Variants in DRAM1 observed in about 807,000 individuals in gnomAD.
DRAM1 encodes DNA damage-regulated autophagy modulator protein 1.
In DRAM1, 25 loss-of-function variants were observed where a neutral mutation model predicts 28.5. That is an observed-to-expected ratio of 0.88 (90% CI 0.64 to 1.23). The LOEUF is 1.23. Among genes scored for constraint, DRAM1 ranks in the 50% most tolerant of loss-of-function variants. DRAM1 has a pLI of 0.00. For missense variants in DRAM1, 249 were observed against 299.2 expected, an observed-to-expected ratio of 0.83 and a Z score of 1.24; for synonymous variants, 113 against 114.2, an observed-to-expected ratio of 0.99 and a Z score of 0.07.
Position 101,901,357 on chromosome 12 carries a change from C to T in DRAM1, c.266C>T (p.Thr89Ile). The change falls in exon 3 of 7, where the codon ACT (threonine) becomes ATT (isoleucine). Residue 89 changes from threonine to isoleucine, a missense_variant. Physicochemically the swap from Thr to Ile is moderately conservative, Grantham distance 89. Transcript: ENST00000258534. ...CAAAATCAAACCTGCTATTTCAGCA[C>T]TCCTGTTTTTAACTTGGTGTCTTTA... ...QKQNQTCYFS[T>I]PVFNLVSLVL... is the part of the protein sequence containing the mutation. 7 of 1,614,142 alleles carry T rather than the reference C, an allele frequency of 4.3e-6. No homozygotes were observed. The highest frequency in any genetic ancestry group is 4.2e-6 in the Non-Finnish European group (5 of 1,180,026).
At chr12:101,911,772 G>GATA (rs76863968) in intron 4 of DRAM1, among the ~76,000 whole-genome samples, 13,807 of 152,042 alleles carry the variant, frequency 0.091, 1,229 homozygotes, top group East Asian at 0.24. Context: ...ACATTGAAAT[G>GATA]ATATCATCAG....
In DRAM1 at chr12:101,912,328, T is replaced by G. The variant is rs77498813; in HGVS notation, c.521-1846T>G. Among the ~76,000 whole-genome samples, 1,459 of 152,352 alleles carry G rather than the reference T, an allele frequency of 9.6e-3. 23 individuals carry two copies. Among genetic ancestry groups the G allele is most frequent in the African/African-American group, 0.034 (1,403 of 41,580 alleles). Reference sequence around the variant, plus strand: ...TACATTAAGTTTCACTGAATGAAGCTTTCTCCCATTCCATTCTGAATTAAT... The same window carrying G: ...TACATTAAGTTTCACTGAATGAAGCGTTCTCCCATTCCATTCTGAATTAAT... On this transcript the variant is annotated intron_variant, in intron 4 of 6. Transcript: ENST00000258534.
chr12:101,913,705 CAAAAAAAAAAA>C (rs60536139), intron 4 of DRAM1, among the ~76,000 whole-genome samples: 5 of 50,188 alleles, frequency 1.0e-4, no homozygotes, highest in Non-Finnish European at 2.2e-4. Context: ...GAGTACGTCT[CAAAAAAAAAAA>C]AAAAAAAAAA....
intron 3 of DRAM1, among the ~76,000 whole-genome samples, chr12:101,902,455 C>T (rs1873641948): frequency 2.0e-5 from 3 of 152,094 alleles, no homozygotes; most frequent in Admixed American, 6.5e-5. Flanking sequence ...ACCAAGTACA[C>T]GATGCATAGT....
chr12:101,916,958 C>T (rs1298333343), intron 5 of DRAM1, among the ~76,000 whole-genome samples: 1 of 152,130 alleles, frequency 6.6e-6, no homozygotes. Flanking sequence ...AATGCAGAAG[C>T]AATAGCAATT....
chr12:101,895,470 A>G (rs994160507), intron 1 of DRAM1, among the ~76,000 whole-genome samples: 1 of 150,362 alleles, frequency 6.7e-6, no homozygotes, highest in Admixed American at 6.7e-5. Context: ...GAGCCACTAT[A>G]CCCAGCCTAA....
At chr12:101,890,237 C>T (rs1177632391) in intron 1 of DRAM1, 3 of 324,652 alleles carry the variant, frequency 9.2e-6, no homozygotes, top group Non-Finnish European at 1.8e-5. Flanking sequence ...TGCCACCACG[C>T]CTGGCTAATT....
chr12:101,898,934 T>C (rs75497063), intron 2 of DRAM1, among the ~76,000 whole-genome samples: 2,395 of 152,310 alleles, frequency 0.016, 57 homozygotes, highest in African/African-American at 0.053. Context: ...AATGTAAAGC[T>C]CAGTCTTCTA....
intron 1 of DRAM1, among the ~76,000 whole-genome samples, chr12:101,889,806 G>T (rs1426431623): frequency 6.6e-6 from 1 of 151,862 alleles, no homozygotes; most frequent in Non-Finnish European, 1.5e-5. Flanking sequence ...CATGCATGGT[G>T]GTGGGTGCCT....
intron 4 of DRAM1, among the ~76,000 whole-genome samples, chr12:101,908,822 T>G (rs1331957848): frequency 2.2e-5 from 3 of 135,740 alleles, no homozygotes; most frequent in Non-Finnish European, 3.0e-5. Flanking sequence ...GGGGCTTGAC[T>G]AAAGTTCAGC....
chr12:101,915,546 CTT>C (rs58938266), intron 5 of DRAM1, among the ~76,000 whole-genome samples: 2 of 144,842 alleles, frequency 1.4e-5, no homozygotes, highest in Non-Finnish European at 1.5e-5. Context: ...ACTTTGAAGA[CTT>C]TTTTTTTTTT....
At chr12:101,916,757 G>A (rs957762330) in intron 5 of DRAM1, among the ~76,000 whole-genome samples, 3 of 152,192 alleles carry the variant, frequency 2.0e-5, no homozygotes, top group Non-Finnish European at 2.9e-5. Flanking sequence ...GTGCTGTATG[G>A]TAGACCTCAT....
intron 3 of DRAM1, among the ~76,000 whole-genome samples, chr12:101,904,998 T>G (rs1447776154): frequency 6.6e-6 from 1 of 152,128 alleles, no homozygotes; most frequent in African/African-American, 2.4e-5. Context: ...AGACTAAGCC[T>G]TGAACTCCTC....
chr12:101,913,161 T>C (rs1186198038), intron 4 of DRAM1, among the ~76,000 whole-genome samples: 1 of 152,204 alleles, frequency 6.6e-6, no homozygotes, highest in Admixed American at 6.5e-5. Context: ...TGGTGGAAGA[T>C]AGGAGCCTCA....
At chr12:101,899,766 A>G (rs1021821399) in intron 2 of DRAM1, among the ~76,000 whole-genome samples, 1 of 152,066 alleles carries the variant, frequency 6.6e-6, no homozygotes, top group African/African-American at 2.4e-5. Flanking sequence ...TATGGCCGTC[A>G]TACTATGTAA....
intron 1 of DRAM1, among the ~76,000 whole-genome samples, chr12:101,879,868 C>T (rs926311356): frequency 1.2e-4 from 18 of 152,022 alleles, no homozygotes; most frequent in South Asian, 2.1e-4. Context: ...GTGGTGCACG[C>T]CTGTAGTCCC....
intron 3 of DRAM1, among the ~76,000 whole-genome samples, chr12:101,903,441 A>G (rs1355908616): frequency 6.6e-6 from 1 of 152,186 alleles, no homozygotes; most frequent in Non-Finnish European, 1.5e-5. Flanking sequence ...CAGAGGGACA[A>G]ATACCGAATG....
At chr12:101,920,260 T>C in intron 6 of DRAM1, 59 bp downstream of exon 6, 4 of 1,276,946 alleles carry the variant, frequency 3.1e-6, no homozygotes, top group Non-Finnish European at 4.4e-6. Flanking sequence ...AGTAAAAATT[T>C]GCAGAAGACA....
At chr12:101,916,356 T>C (rs1233064819) in intron 5 of DRAM1, among the ~76,000 whole-genome samples, 1 of 152,126 alleles carries the variant, frequency 6.6e-6, no homozygotes, top group African/African-American at 2.4e-5. Flanking sequence ...CTACAAAAAT[T>C]AGCCAGACGT....
Sources: gnomAD v4.1 joint callset for allele counts (sites outside exome capture counted in the v4.1 genomes callset) on GRCh38, gnomAD v4.1.1 for gene constraint, MANE v1.5 for transcripts, NCBI Gene and HGNC (gene_info 2026-07-23, HGNC 2026-07-21) for gene names.